The following SPOCK3 variants were observed in gnomAD, a reference collection of about 807,000 sequenced individuals.
The protein encoded by SPOCK3 is testican-3.
Under a neutral mutation model 56.6 loss-of-function variants are expected in SPOCK3, and 30 were observed. The ratio of observed to expected loss-of-function variants is 0.53; its 90% confidence interval spans 0.40 to 0.72. SPOCK3 has a LOEUF of 0.72. Ranked by LOEUF, SPOCK3 falls within the 30% of genes least tolerant of loss-of-function variation. SPOCK3 has a pLI of 0.00. For synonymous variants in SPOCK3, 196 were observed against 183.3 expected, an observed-to-expected ratio of 1.07 and a Z score of -0.56; for missense variants, 527 against 530.0, an observed-to-expected ratio of 0.99 and a Z score of 0.06.
intron 2 of SPOCK3, among the ~76,000 whole-genome samples, chr4:167,094,783 T>C (rs868380496): frequency 6.6e-6 from 1 of 152,138 alleles, no homozygotes; most frequent in Non-Finnish European, 1.5e-5. Context: ...ATACAAGACA[T>C]TGTCATAGAA....
chr4:166,842,903 AG>A (rs1258793081), intron 6 of SPOCK3, among the ~76,000 whole-genome samples: 1 of 152,110 alleles, frequency 6.6e-6, no homozygotes, highest in African/African-American at 2.4e-5. Flanking sequence ...GTGCCCATCG[AG>A]GGGGTTTGGG....
In SPOCK3 at chr4:166,888,545, A is replaced by T. The variant is rs1579545563; in HGVS notation, c.589+585T>A. On this transcript the variant is annotated intron_variant, in intron 6 of 10. Coordinates refer to ENST00000357545, the MANE Select transcript of SPOCK3 (RefSeq NM_001040159.2). ...AACTATAATAAATAATCTTAAGTCAAGTTATATATTATAGTACATATCTAG... is the reference window on the plus strand; with the variant it reads ...AACTATAATAAATAATCTTAAGTCATGTTATATATTATAGTACATATCTAG... 3.3e-5 allele frequency among the ~76,000 whole-genome samples: 5 copies of T among 152,202 alleles called. No individual in the cohort carries two copies. The East Asian group carries it at 9.6e-4, about 29-fold the overall frequency.
chr4:166,820,991 T>C (rs1251804656), intron 6 of SPOCK3, among the ~76,000 whole-genome samples: 2 of 152,038 alleles, frequency 1.3e-5, no homozygotes, highest in Non-Finnish European at 2.9e-5. Flanking sequence ...AAAGTCATTA[T>C]CAAGAATGTG....
At chr4:166,984,981 T>C (rs1214152773) in intron 4 of SPOCK3, among the ~76,000 whole-genome samples, 1 of 152,098 alleles carries the variant, frequency 6.6e-6, no homozygotes, top group Non-Finnish European at 1.5e-5. Context: ...GGGAAATTGC[T>C]GTCAAGGAGC....
chr4:166,764,634 G>C (rs569139460), intron 7 of SPOCK3, among the ~76,000 whole-genome samples: 12 of 152,196 alleles, frequency 7.9e-5, no homozygotes, highest in African/African-American at 2.9e-4. Flanking sequence ...ATTGTGAATA[G>C]TGCTGCAATA....
intron 6 of SPOCK3, among the ~76,000 whole-genome samples, chr4:166,842,671 A>G (rs535472178): frequency 6.6e-6 from 1 of 152,244 alleles, no homozygotes; most frequent in South Asian, 2.1e-4. Context: ...CACATCCACC[A>G]ACCCTGAGCT....
chr4:166,815,212 T>C (rs925836815), intron 6 of SPOCK3, among the ~76,000 whole-genome samples: 1 of 151,994 alleles, frequency 6.6e-6, no homozygotes, highest in African/African-American at 2.4e-5. Flanking sequence ...ACCCTTTCTG[T>C]ATTTGGGAAT....
chr4:167,118,988 C>T lies in SPOCK3; in HGVS notation c.190-56451G>A, dbSNP rs367976409. Among the ~76,000 whole-genome samples the T allele has an allele frequency of 9.5e-4, 145 of 152,228 alleles. 2 individuals carry two copies. In the East Asian group the frequency reaches 0.013, roughly 14 times the overall value. ...TCTCACTGTTCTCTCAGTGACCAATCTCAGCCCTTCCAATTTATCTACATG... is the reference window on the plus strand; with the variant it reads ...TCTCACTGTTCTCTCAGTGACCAATTTCAGCCCTTCCAATTTATCTACATG... On this transcript the variant is annotated intron_variant, in intron 2 of 10. Coordinates refer to ENST00000357545, the MANE Select transcript of SPOCK3 (RefSeq NM_001040159.2).
At chr4:166,785,302 A>G (rs1740614035) in intron 7 of SPOCK3, among the ~76,000 whole-genome samples, 1 of 152,086 alleles carries the variant, frequency 6.6e-6, no homozygotes, top group African/African-American at 2.4e-5. Flanking sequence ...TTAGGTGTCG[A>G]TTGTTAAAAA....
intron 2 of SPOCK3, among the ~76,000 whole-genome samples, chr4:167,136,410 G>A (rs815236): frequency 1 from 152,145 of 152,244 alleles, 76,023 homozygotes; most frequent in Middle Eastern, 1. Flanking sequence ...ATATATTTCT[G>A]TAAAAAGAAC....
At chr4:167,114,134 CT>C (rs1761139665) in intron 2 of SPOCK3, among the ~76,000 whole-genome samples, 1 of 152,106 alleles carries the variant, frequency 6.6e-6, no homozygotes. Context: ...AGACCAAACT[CT>C]CCTCTAAAAT....
chr4:166,916,813 T>C (rs756441097), intron 4 of SPOCK3, among the ~76,000 whole-genome samples: 3 of 152,208 alleles, frequency 2.0e-5, no homozygotes, highest in Non-Finnish European at 4.4e-5. Context: ...TCTTGAGTAA[T>C]CCATCAGTCT....
Position 166,801,006 on chromosome 4 carries a change from G to A in SPOCK3, c.590-8717C>T, listed in dbSNP as rs190161779. 3.3e-3 allele frequency among the ~76,000 whole-genome samples: 506 copies of A among 152,082 alleles called. 1 individual carries two copies. Among genetic ancestry groups the A allele is most frequent in the Middle Eastern group, 6.8e-3 (2 of 294 alleles). On this transcript the variant is annotated intron_variant, in intron 6 of 10. Transcript: ENST00000357545. ...TATGTTAAGATATGTTCAGCTTTAC[G>A]AATACTTACCATTGTGTTACAATTG... is the stretch of plus-strand genomic sequence containing the variant.
chr4:167,216,764 AT>A (rs970214442), intron 2 of SPOCK3, among the ~76,000 whole-genome samples: 3 of 152,064 alleles, frequency 2.0e-5, no homozygotes, highest in Non-Finnish European at 2.9e-5. Context: ...ATTATACACA[AT>A]TTTTTGTATA....
At chr4:166,916,211 T>A (rs549869766) in intron 4 of SPOCK3, among the ~76,000 whole-genome samples, 10 of 152,138 alleles carry the variant, frequency 6.6e-5, no homozygotes, top group African/African-American at 2.4e-4. Context: ...GTTTCAAAGA[T>A]TCCAGATTCA....
At chr4:167,166,027 T>C (rs1765728180) in intron 2 of SPOCK3, among the ~76,000 whole-genome samples, 1 of 152,046 alleles carries the variant, frequency 6.6e-6, no homozygotes, top group African/African-American at 2.4e-5. Context: ...AACTCTAAGA[T>C]GGATGACAAG....
At chr4:167,107,243 G>A in intron 2 of SPOCK3, among the ~76,000 whole-genome samples, 1 of 151,634 alleles carries the variant, frequency 6.6e-6, no homozygotes, top group African/African-American at 2.4e-5. Context: ...TATTAACACA[G>A]AAATCCTCAA....
At chr4:166,920,425 G>T (rs1031703595) in intron 4 of SPOCK3, among the ~76,000 whole-genome samples, 1 of 152,128 alleles carries the variant, frequency 6.6e-6, no homozygotes, top group African/African-American at 2.4e-5. Flanking sequence ...ACTAAGGTAT[G>T]AATTGGTTCT....
rs1407087023 is a variant in SPOCK3, at chr4:167,113,360, G to A, written c.190-50823C>T. ...GAGTATGCACTTGGCATGGCAGGAG[G>A]GTTCTTCTTACAATTTTTTTTTTTT... On this transcript the variant is annotated intron_variant, in intron 2 of 10. Coordinates refer to ENST00000357545, the MANE Select transcript of SPOCK3 (RefSeq NM_001040159.2). Among the ~76,000 whole-genome samples, 3 of 146,952 alleles carry A rather than the reference G, an allele frequency of 2.0e-5. No individual in the cohort carries two copies. In the East Asian group the frequency reaches 5.9e-4, roughly 29 times the overall value.
Sources: allele counts gnomAD v4.1 joint callset (sites outside exome capture counted in the v4.1 genomes callset), GRCh38; gene constraint gnomAD v4.1.1; transcripts MANE v1.5; gene names NCBI Gene and HGNC (gene_info 2026-07-23, HGNC 2026-07-21).